Variants in SC5D observed in about 807,000 individuals in gnomAD.
SC5D encodes the protein lathosterol oxidase.
A neutral mutation model predicts 23.9 loss-of-function variants in SC5D; 21 were observed. That is an observed-to-expected ratio of 0.88 (90% CI 0.62 to 1.26). SC5D has a LOEUF of 1.26. Ranked by LOEUF, SC5D falls within the 50% of genes most tolerant of loss-of-function variation. SC5D has a pLI of 0.00. For missense variants in SC5D, 309 were observed against 364.8 expected (o/e 0.85, Z 1.25); for synonymous variants, 113 against 125.9 (o/e 0.90, Z 0.68).
intron 4 of SC5D, 188 bp from the exon 5 acceptor site, chr11:121,306,869 G>A (rs1591505487): frequency 1.0e-5 from 7 of 674,784 alleles, no homozygotes; most frequent in Non-Finnish European, 1.9e-5. Flanking sequence ...GAACACCACT[G>A]CACTTGTACT....
At position 121,310,679 on chromosome 11, in the gene SC5D, C is replaced by T. The variant is rs1466529714; in HGVS notation, c.*3167C>T. Among the ~76,000 whole-genome samples the T allele has an allele frequency of 6.6e-6, 1 of 152,054 alleles. No homozygotes were observed. Among genetic ancestry groups the T allele is most frequent in the East Asian group, 1.9e-4 (1 of 5,192 alleles). On this transcript the variant is annotated 3_prime_UTR_variant, in exon 5 of 5. Coordinates refer to ENST00000264027, the MANE Select transcript of SC5D (RefSeq NM_006918.5). ...GTTTCACCGTGTTAGCCAGGATGGT[C>T]TTGATCTCCTGACCTCATGATCTGC...
intron 1 of SC5D, among the ~76,000 whole-genome samples, chr11:121,299,859 A>G (rs1188845058): frequency 1.3e-5 from 2 of 152,316 alleles, no homozygotes; most frequent in South Asian, 4.1e-4. Context: ...ACACTACTGC[A>G]CTCCAGCCTG....
At position 121,309,140 on chromosome 11, in the gene SC5D, A is replaced by G. The variant is rs1405353600; in HGVS notation, c.*1628A>G. ...ATTCCCAGGTTTATTTCTCTCTCAT[A>G]TGATGTCCCATGTGGATGTTTGTGG... is the stretch of plus-strand genomic sequence containing the variant. On this transcript the variant is annotated 3_prime_UTR_variant, in exon 5 of 5. Coordinates refer to ENST00000264027, the MANE Select transcript of SC5D (RefSeq NM_006918.5). 6.6e-6 allele frequency among the ~76,000 whole-genome samples: 1 copy of G among 152,196 alleles called. No homozygotes were observed. The highest frequency in any genetic ancestry group is 1.9e-4 in the East Asian group (1 of 5,204).
intron 1 of SC5D, among the ~76,000 whole-genome samples, chr11:121,303,051 A>G (rs1947936526): frequency 6.6e-6 from 1 of 152,260 alleles, no homozygotes; most frequent in South Asian, 2.1e-4. Flanking sequence ...CTGCCATAGG[A>G]CGCGGTAGGG....
At chr11:121,303,689 A>G (rs769366478) in intron 2 of SC5D, 104 bp downstream of exon 2, 8 of 951,016 alleles carry the variant, frequency 8.4e-6, no homozygotes, top group African/African-American at 8.3e-5. Flanking sequence ...ACCATTAAAT[A>G]AAATTTTGGA....
At chr11:121,298,343 T>C (rs75960142) in intron 1 of SC5D, among the ~76,000 whole-genome samples, 1,708 of 152,322 alleles carry the variant, frequency 0.011, 9 homozygotes, top group Middle Eastern at 0.017. Flanking sequence ...AAAAAGCAAG[T>C]ATATTGCTTG....
intron 2 of SC5D, 131 bp downstream of exon 2, chr11:121,303,716 G>A (rs1289631031): frequency 1.5e-6 from 1 of 681,856 alleles, no homozygotes; most frequent in African/African-American, 1.8e-5. Context: ...CCACAAATGG[G>A]TTAGATATTT....
In SC5D at chr11:121,303,366, G is replaced by A. The variant is rs759230533; in HGVS notation, c.-10G>A. 6.2e-7 allele frequency: 1 copy of A among 1,613,086 alleles called. No individual in the cohort carries two copies. The highest frequency in any genetic ancestry group is 1.1e-5 in the South Asian group (1 of 91,052). On this transcript the variant is annotated splice_region_variant and 5_prime_UTR_variant, in exon 2 of 5. Coordinates refer to ENST00000264027, the MANE Select transcript of SC5D (RefSeq NM_006918.5). ...ATTGTCACACATGCTTATTTTTTAG[G>A]GGCTAAGTGATGGATCTTGTACTCC...
Position 121,306,413 on chromosome 11 carries a change from T to A in SC5D, c.371T>A (p.Ile124Lys). 1 of 1,580,146 alleles carries A rather than the reference T, an allele frequency of 6.3e-7. No homozygotes were observed. The highest frequency in any genetic ancestry group is 1.7e-5 in the Admixed American group (1 of 59,988). Residue 124 changes from isoleucine to lysine, a missense_variant, in exon 4 of 5, where the codon ATA becomes AAA. Physicochemically the swap from Ile to Lys is moderately radical, Grantham distance 102. Coordinates refer to ENST00000264027, the MANE Select transcript of SC5D (RefSeq NM_006918.5). ...YGLFELVVSI[I>K]SFLFFTDMFI... ...TTGTTTGAACTTGTCGTTAGTATAA[T>A]ATCTTTCCTCTTTTTCACTGACATG... is the stretch of plus-strand genomic sequence containing the variant.
chr11:121,306,436 A>ATGTT lies in SC5D; in HGVS notation c.395_398dup (p.Ile134ValfsTer12), dbSNP rs778924806. ...AATATCTTTCCTCTTTTTCACTGAC[A>ATGTT]TGTTCATCTACTGGATTCACAGAGG... On this transcript the variant is annotated frameshift_variant, in exon 4 of 5. Transcript: ENST00000264027. LOFTEE classifies it high-confidence loss of function. 1 of 1,591,270 alleles carries ATGTT rather than the reference A, an allele frequency of 6.3e-7. No homozygotes were observed. The highest frequency in any genetic ancestry group is 2.2e-5 in the East Asian group (1 of 44,716).
chr11:121,298,093 C>T (rs1038863059), intron 1 of SC5D, among the ~76,000 whole-genome samples: 8 of 152,098 alleles, frequency 5.3e-5, no homozygotes, highest in Non-Finnish European at 1.0e-4. Flanking sequence ...GCCTTGAACT[C>T]CTTAAGCAAT....
chr11:121,293,471 TG>T (rs1947866495), intron 1 of SC5D, among the ~76,000 whole-genome samples: 1 of 152,140 alleles, frequency 6.6e-6, no homozygotes. Flanking sequence ...GACAGCAATC[TG>T]GGGCTGAGGA....
rs1947946120 is a variant in SC5D, at chr11:121,304,237, A to C, written c.211-124A>C. 8 of 785,084 alleles carry C rather than the reference A, an allele frequency of 1.0e-5. No homozygotes were observed. The East Asian group carries it at 2.1e-4, about 21-fold the overall frequency. 48.6% of individuals were successfully genotyped at this position (785,084 alleles called of 1,614,324 possible). A position where few individuals can be genotyped will look rare whatever the true frequency, so the allele number is the denominator to read the frequency against. The stretch of plus-strand genomic sequence containing the variant: ...TTTATGTATTTAAAATTTTAATAGA[A>C]ACAGTTTGGAGGTAAGCCCCTTCAT... On this transcript the variant is annotated intron_variant, in intron 2 of 4. Coordinates refer to ENST00000264027, the MANE Select transcript of SC5D (RefSeq NM_006918.5).
Position 121,307,554 on chromosome 11 carries a change from TATC to T in SC5D, c.*46_*48del, listed in dbSNP as rs1368452142. The T allele has an allele frequency of 9.1e-6, 12 of 1,317,514 alleles. No individual in the cohort carries two copies. The highest frequency in any genetic ancestry group is 4.5e-5 in the African/African-American group (3 of 67,346). 81.6% of individuals were successfully genotyped at this position (1,317,514 alleles called of 1,614,324 possible). On this transcript the variant is annotated 3_prime_UTR_variant, in exon 5 of 5. Transcript: ENST00000264027. ...TCTTAAGTAAGGACAAAGAAGGAAA[TATC>T]ATCGTATTTCTTTTTTTTAATAAGG... is the stretch of plus-strand genomic sequence containing the variant.
intron 3 of SC5D, 119 bp downstream of exon 3, chr11:121,304,612 G>GT (rs912122084): frequency 1.2e-4 from 106 of 864,432 alleles, no homozygotes; most frequent in Non-Finnish European, 3.0e-5. Context: ...TTATTCAGTT[G>GT]TTTTTTAATG....
In SC5D at chr11:121,307,967, C is replaced by G. The variant is rs905005741; in HGVS notation, c.*455C>G. On this transcript the variant is annotated 3_prime_UTR_variant, in exon 5 of 5. Transcript: ENST00000264027. ...TTTCTTGTTTCAGGAATGGTTAATTCTTCAACGTTGGTATGATAATGATAA... is the reference window on the plus strand; with the variant it reads ...TTTCTTGTTTCAGGAATGGTTAATTGTTCAACGTTGGTATGATAATGATAA... 2 of 158,160 alleles carry G rather than the reference C, an allele frequency of 1.3e-5. No homozygotes were observed. The highest frequency in any genetic ancestry group is 4.8e-5 in the African/African-American group (2 of 41,470). The allele number at this position is 158,160 out of a possible 1,614,324, so 9.8% of individuals were successfully genotyped here. A position where few individuals can be genotyped will look rare whatever the true frequency, so the allele number is the denominator to read the frequency against.
chr11:121,294,240 C>A (rs997138069), intron 1 of SC5D, among the ~76,000 whole-genome samples: 3 of 151,998 alleles, frequency 2.0e-5, no homozygotes, highest in African/African-American at 4.8e-5. Flanking sequence ...TCCTTGGGAC[C>A]CCTAACTTCA....
Position 121,309,737 on chromosome 11 carries a change from G to A in SC5D, c.*2225G>A, listed in dbSNP as rs368578516. Among the ~76,000 whole-genome samples the A allele has an allele frequency of 1.3e-5, 2 of 152,094 alleles. No homozygotes were observed. Among genetic ancestry groups the A allele is most frequent in the African/African-American group, 4.8e-5 (2 of 41,408 alleles). ...TCAAATTCTGGTCTTTTAAAGCAGC[G>A]TTATGTTAAGTAGTCCTAACATTGT... On this transcript the variant is annotated 3_prime_UTR_variant, in exon 5 of 5. Transcript: ENST00000264027.
rs1032425313 is a variant in SC5D, at chr11:121,310,969, A to C, written c.*3457A>C. Among the ~76,000 whole-genome samples, 3 of 152,368 alleles carry C rather than the reference A, an allele frequency of 2.0e-5. No individual in the cohort carries two copies. In the East Asian group the frequency reaches 5.8e-4, roughly 29 times the overall value. On this transcript the variant is annotated 3_prime_UTR_variant, in exon 5 of 5. Transcript: ENST00000264027. ...CAAATGGACTAAGACAAGGGGGAAG[A>C]AATTTGCATTCCTGATCTTCCCAAC...
Sources: allele counts gnomAD v4.1 joint callset (sites outside exome capture counted in the v4.1 genomes callset), GRCh38; gene constraint gnomAD v4.1.1; transcripts MANE v1.5; gene names NCBI Gene and HGNC (gene_info 2026-07-23, HGNC 2026-07-21).